Variants in DNAH7 observed in about 807,000 individuals in gnomAD.
The protein encoded by DNAH7 is axonemal beta dynein heavy chain 7.
A neutral mutation model predicts 444.6 loss-of-function variants in DNAH7; 397 were observed. That is an observed-to-expected ratio of 0.89 (90% CI 0.82 to 0.97). DNAH7 has a LOEUF of 0.97. Ranked by LOEUF, DNAH7 falls within the 50% of genes least tolerant of loss-of-function variation. The pLI is 0.00. For missense variants in DNAH7, 4,902 were observed against 4,800.8 expected (o/e 1.02, Z -0.62); for synonymous variants, 1,636 against 1,624.4 (o/e 1.01, Z -0.17).
intron 27 of DNAH7, chr2:195,900,741 G>T: frequency 3.0e-6 from 1 of 336,500 alleles, no homozygotes; most frequent in Admixed American, 4.4e-5. Context: ...GTAGCACTGT[G>T]GGGTGACTAT....
intron 11 of DNAH7, 37 bp from the exon 12 acceptor site, chr2:196,000,920 T>A: frequency 6.7e-7 from 1 of 1,503,088 alleles, no homozygotes; most frequent in Non-Finnish European, 8.9e-7. Context: ...CATAAATATG[T>A]ATGAATTGTG....
rs753487217 is a variant in DNAH7, at chr2:195,895,145, T to C, written c.4727A>G (p.Asn1576Ser). The C allele has an allele frequency of 5.6e-6, 9 of 1,613,496 alleles. No individual in the cohort carries two copies. The highest frequency in any genetic ancestry group is 4.5e-5 in the East Asian group (2 of 44,782). The stretch of plus-strand genomic sequence containing the variant: ...CATTTGCAAATTCATGGAGGCACAA[T>C]TGTCTTTGATAGCTGCCAGCAAATC... Reference protein sequence around the residue: ...YNDLLAAIKDNCASMNLQMTA... With the variant: ...YNDLLAAIKDSCASMNLQMTA... The change falls in exon 30 of 65, where the codon AAT becomes AGT. Residue 1576 changes from asparagine (N) to serine (S), a missense_variant. By Grantham distance (46) the Asn-to-Ser change is conservative. Transcript: ENST00000312428.
chr2:195,882,082 A>G, intron 35 of DNAH7, 90 bp from the exon 36 acceptor site: 1 of 1,033,934 alleles, frequency 9.7e-7, no homozygotes, highest in Non-Finnish European at 1.4e-6. Flanking sequence ...GACTAAGACC[A>G]ACAAACCCTG....
intron 21 of DNAH7, among the ~76,000 whole-genome samples, chr2:195,933,770 G>T (rs932332755): frequency 7.5e-6 from 1 of 133,264 alleles, no homozygotes; most frequent in African/African-American, 2.8e-5. Context: ...GTGGGGGGAG[G>T]GATAGCATTA....
chr2:195,916,187 A>G (rs1010719847), intron 24 of DNAH7, among the ~76,000 whole-genome samples: 1 of 152,244 alleles, frequency 6.6e-6, no homozygotes, highest in Non-Finnish European at 1.5e-5. Context: ...TACAACTTCT[A>G]TAAGACATCA....
intron 46 of DNAH7, among the ~76,000 whole-genome samples, chr2:195,850,931 G>T (rs1411486407): frequency 6.6e-6 from 1 of 152,144 alleles, no homozygotes; most frequent in Non-Finnish European, 1.5e-5. Context: ...CAACCAGGGG[G>T]AAGGGAGAGA....
At position 195,754,490 on chromosome 2, in the gene DNAH7, G is replaced by T; in HGVS notation, c.11611C>A (p.Pro3871Thr). 1 of 1,614,052 alleles carries T rather than the reference G, an allele frequency of 6.2e-7. No individual in the cohort carries two copies. Among genetic ancestry groups the T allele is most frequent in the Admixed American group, 1.7e-5 (1 of 60,002 alleles). Residue 3871 changes from proline (P) to threonine (T), a missense_variant, in exon 63 of 65, where the codon CCA (proline) becomes ACA (threonine). Coordinates refer to ENST00000312428, the MANE Select transcript of DNAH7 (RefSeq NM_018897.3). ...AAGAAGCCAGAAAGCCAGAAGACTG[G>T]AGGAGGACCAACCTCATACCATTGC... ...LQQWYEVGPP[P>T]VFWLSGFFFT...
intron 5 of DNAH7, among the ~76,000 whole-genome samples, chr2:196,046,041 A>C (rs1255636802): frequency 6.6e-6 from 1 of 152,036 alleles, no homozygotes; most frequent in Non-Finnish European, 1.5e-5. Context: ...GTTAAAATAG[A>C]CTTCTGTTTC....
chr2:195,943,760 T>C (rs772929330), intron 19 of DNAH7, among the ~76,000 whole-genome samples: 2 of 152,172 alleles, frequency 1.3e-5, no homozygotes, highest in Non-Finnish European at 2.9e-5. Context: ...AGATTATTAA[T>C]TGCTTTAACT....
At chr2:195,822,654 G>C (rs1697526687) in intron 49 of DNAH7, among the ~76,000 whole-genome samples, 1 of 152,098 alleles carries the variant, frequency 6.6e-6, no homozygotes, top group African/African-American at 2.4e-5. Context: ...GGGATCTTAA[G>C]GGTTTTGATA....
At chr2:195,821,514 G>A (rs1198576355) in intron 49 of DNAH7, among the ~76,000 whole-genome samples, 3 of 152,168 alleles carry the variant, frequency 2.0e-5, no homozygotes, top group Non-Finnish European at 4.4e-5. Context: ...TCTGTGTCCT[G>A]GGTGGCAGGG....
intron 3 of DNAH7, among the ~76,000 whole-genome samples, chr2:196,049,717 A>G (rs1439264042): frequency 6.6e-6 from 1 of 152,254 alleles, no homozygotes; most frequent in Non-Finnish European, 1.5e-5. Flanking sequence ...TGAATACAAA[A>G]CCAGGTTTAC....
chr2:195,855,955 C>G lies in DNAH7; in HGVS notation c.8451G>C (p.Leu2817=). Residue 2817 remains leucine (L), a synonymous_variant, in exon 45 of 65, where the codon CTG becomes CTC. Coordinates refer to ENST00000312428, the MANE Select transcript of DNAH7 (RefSeq NM_018897.3). The part of the protein sequence containing the change: ...AKIVAPKKIK[L]AAAEGELKIA... ...TTTTAAGCTCCCCTTCAGCTGCAGCCAGTTTTATCTTTTTGGGAGCTACTA... is the reference window on the plus strand; with the variant it reads ...TTTTAAGCTCCCCTTCAGCTGCAGCGAGTTTTATCTTTTTGGGAGCTACTA... 1 of 1,613,128 alleles carries G rather than the reference C, an allele frequency of 6.2e-7. No individual in the cohort carries two copies.
At chr2:196,042,665 A>G (rs1352618932) in intron 5 of DNAH7, among the ~76,000 whole-genome samples, 1 of 152,124 alleles carries the variant, frequency 6.6e-6, no homozygotes, top group Non-Finnish European at 1.5e-5. Flanking sequence ...CACATCTACT[A>G]GAATGGCTAC....
chr2:196,045,831 G>T (rs1449953634), intron 5 of DNAH7, among the ~76,000 whole-genome samples: 1 of 151,686 alleles, frequency 6.6e-6, no homozygotes, highest in African/African-American at 2.4e-5. Flanking sequence ...AGCAGAAAAA[G>T]AGAAAAAAAT....
intron 19 of DNAH7, among the ~76,000 whole-genome samples, chr2:195,937,725 T>C (rs1415882561): frequency 6.6e-6 from 1 of 152,164 alleles, no homozygotes; most frequent in Non-Finnish European, 1.5e-5. Flanking sequence ...TGATGTCATC[T>C]GGGTCTATTC....
chr2:195,836,519 C>T (rs1450257287), intron 47 of DNAH7, among the ~76,000 whole-genome samples: 1 of 151,328 alleles, frequency 6.6e-6, no homozygotes, highest in Admixed American at 6.6e-5. Flanking sequence ...AAGAAAGGCT[C>T]TATCTCCAAA....
At chr2:195,793,816 G>A (rs1696008240) in intron 57 of DNAH7, among the ~76,000 whole-genome samples, 2 of 152,046 alleles carry the variant, frequency 1.3e-5, no homozygotes, top group South Asian at 4.2e-4. Flanking sequence ...ACAATTTTAG[G>A]TCACAGACAT....
chr2:195,964,352 G>C (rs1365071750), intron 17 of DNAH7, among the ~76,000 whole-genome samples: 1 of 152,008 alleles, frequency 6.6e-6, no homozygotes, highest in East Asian at 1.9e-4. Flanking sequence ...GTAGAGATCT[G>C]TGGCTTCTTT....
Sources: gnomAD v4.1 joint callset for allele counts (sites outside exome capture counted in the v4.1 genomes callset) on GRCh38, gnomAD v4.1.1 for gene constraint, MANE v1.5 for transcripts, NCBI Gene and HGNC (gene_info 2026-07-23, HGNC 2026-07-21) for gene names.